NCAPG2: variants seen among roughly 807,000 people sequenced by gnomAD.
The protein encoded by NCAPG2 is condensin-2 complex subunit G2.
NCAPG2 carries 53 observed loss-of-function variants against 141.1 expected under a neutral mutation model. The observed-to-expected ratio is 0.38, with a 90% confidence interval of 0.30 to 0.47. NCAPG2 has a LOEUF of 0.47. NCAPG2 is among the 20% of genes least tolerant of loss of function. NCAPG2 has a pLI of 0.99. For missense variants in NCAPG2, 1,087 were observed against 1,389.0 expected (o/e 0.78, Z 3.46); for synonymous variants, 499 against 490.7 (o/e 1.02, Z -0.22).
chr7:158,656,235 C>T (rs757137324), intron 19 of NCAPG2, 25 bp downstream of exon 19: 8 of 1,609,064 alleles, frequency 5.0e-6, no homozygotes, highest in Non-Finnish European at 6.8e-6. Context: ...TAGGAAACCA[C>T]TCAACTCTCA....
chr7:158,670,807 G>A (rs543258504), intron 13 of NCAPG2, among the ~76,000 whole-genome samples: 39 of 152,146 alleles, frequency 2.6e-4, no homozygotes, highest in African/African-American at 9.2e-4. Flanking sequence ...ACACAAATCT[G>A]TCTGGCTGAC....
intron 23 of NCAPG2, 108 bp downstream of exon 23, chr7:158,652,185 C>T (rs1831541381): frequency 9.7e-6 from 11 of 1,130,594 alleles, no homozygotes; most frequent in Non-Finnish European, 1.3e-5. Context: ...CACAACACTG[C>T]GTGTCACCCG....
At chr7:158,641,339 A>C in intron 27 of NCAPG2, 1 of 410,546 alleles carries the variant, frequency 2.4e-6, no homozygotes, top group Non-Finnish European at 4.3e-6. Context: ...TTTAAGACAG[A>C]TTGTCAGAGA....
Position 158,680,271 on chromosome 7 carries a change from T to C in NCAPG2, c.1021-186A>G, listed in dbSNP as rs537470637. ...AATGTCAACAGATACTATGAAAAGA[T>C]AAAGCTTCCTCACTTCAAAGCCCAC... On this transcript the variant is annotated intron_variant, in intron 10 of 27. Coordinates refer to ENST00000356309, the MANE Select transcript of NCAPG2 (RefSeq NM_017760.7). Among the ~76,000 whole-genome samples the C allele has an allele frequency of 2.6e-5, 4 of 152,300 alleles. No homozygotes were observed. In the South Asian group the frequency reaches 8.3e-4, roughly 32 times the overall value.
chr7:158,647,254 G>A (rs141578765), intron 24 of NCAPG2, among the ~76,000 whole-genome samples: 1 of 152,286 alleles, frequency 6.6e-6, no homozygotes, highest in African/African-American at 2.4e-5. Flanking sequence ...TTCTTTGGGG[G>A]ATTGGGAGGC....
chr7:158,656,199 A>T, intron 19 of NCAPG2, 61 bp downstream of exon 19: 1 of 1,551,156 alleles, frequency 6.4e-7, no homozygotes, highest in Non-Finnish European at 8.8e-7. Flanking sequence ...AAAGCTTCAC[A>T]CTTTGATTTG....
intron 16 of NCAPG2, among the ~76,000 whole-genome samples, chr7:158,661,681 T>C (rs543853289): frequency 1.5e-4 from 23 of 152,356 alleles, no homozygotes; most frequent in Non-Finnish European, 2.6e-4. Context: ...CAAAACATCA[T>C]GTTGAACACA....
At chr7:158,686,633 A>G (rs1414703709) in intron 7 of NCAPG2, among the ~76,000 whole-genome samples, 1 of 152,244 alleles carries the variant, frequency 6.6e-6, no homozygotes, top group East Asian at 1.9e-4. Context: ...CTAAAATACC[A>G]GTATCAACTT....
intron 27 of NCAPG2, among the ~76,000 whole-genome samples, chr7:158,632,871 T>A (rs184973658): frequency 1.8e-4 from 28 of 152,360 alleles, no homozygotes; most frequent in Admixed American, 1.4e-3. Flanking sequence ...ATTTATGACA[T>A]AGTTCACATT....
intron 6 of NCAPG2, among the ~76,000 whole-genome samples, chr7:158,688,602 G>A (rs1239467940): frequency 6.6e-6 from 1 of 152,164 alleles, no homozygotes; most frequent in Non-Finnish European, 1.5e-5. Flanking sequence ...CCTCCCCAGG[G>A]GTTCTTATCC....
At chr7:158,704,514 C>A (rs1222474537) in intron 1 of NCAPG2, among the ~76,000 whole-genome samples, 2 of 152,180 alleles carry the variant, frequency 1.3e-5, no homozygotes, top group African/African-American at 2.4e-5. Context: ...GAAGGACGGG[C>A]GTCGCTGAGC....
Position 158,686,188 on chromosome 7 carries a change from G to T in NCAPG2, c.821C>A (p.Ser274Ter). Reference protein sequence around the residue: ...EIYFRAWKKASGKILEAIEND... With the variant: ...EIYFRAWKKA ...TGAAAATACCTCCAGTATTTTCCCT[G>T]AAGCCTTTTTCCAAGCTCTGAAATA... The change falls in exon 8 of 28, where the codon TCA becomes TAA. Residue 274 changes from serine (S) to a stop codon, truncating the protein, a stop_gained. Coordinates refer to ENST00000356309, the MANE Select transcript of NCAPG2 (RefSeq NM_017760.7). LOFTEE classifies it high-confidence loss of function. 6.4e-7 allele frequency: 1 copy of T among 1,572,936 alleles called. No homozygotes were observed. The highest frequency in any genetic ancestry group is 8.6e-7 in the Non-Finnish European group (1 of 1,159,016).
chr7:158,693,019 A>G, intron 3 of NCAPG2, 63 bp from the exon 4 acceptor site: 3 of 1,150,004 alleles, frequency 2.6e-6, no homozygotes, highest in Non-Finnish European at 3.8e-6. Flanking sequence ...AGTTTTTAGC[A>G]GAAATTTCAG....
intron 13 of NCAPG2, among the ~76,000 whole-genome samples, chr7:158,667,622 G>C (rs370530151): frequency 3.2e-5 from 1 of 30,886 alleles, no homozygotes; most frequent in Admixed American, 4.0e-4. Context: ...TACCTACCCT[G>C]TGGCCCTCCA....
At position 158,683,333 on chromosome 7, in the gene NCAPG2, C is replaced by T. The variant is rs758790252; in HGVS notation, c.891G>A (p.Pro297=). Residue 297 remains proline (P), a synonymous_variant, in exon 9 of 28, where the codon CCG becomes CCA. Coordinates refer to ENST00000356309, the MANE Select transcript of NCAPG2 (RefSeq NM_017760.7). ...QDFMFHGIHL[P]RRSPVHSKVR... is the part of the protein sequence containing the mutation. The stretch of plus-strand genomic sequence containing the variant: ...CTTTGGAATGCACTGGAGACCTCCT[C>T]GGAAGGTGTATCCCGTGGAACATGA... 11 of 1,605,928 alleles carry T rather than the reference C, an allele frequency of 6.8e-6. No homozygotes were observed. Among genetic ancestry groups the T allele is most frequent in the Middle Eastern group, 1.6e-4 (1 of 6,064 alleles).
chr7:158,672,961 C>A (rs1445329828), intron 12 of NCAPG2, among the ~76,000 whole-genome samples: 1 of 152,228 alleles, frequency 6.6e-6, no homozygotes. Context: ...CACAGATGAC[C>A]CATCTGGGCA....
intron 8 of NCAPG2, among the ~76,000 whole-genome samples, chr7:158,683,842 G>A (rs1834591112): frequency 6.6e-6 from 1 of 152,156 alleles, no homozygotes; most frequent in Non-Finnish European, 1.5e-5. Flanking sequence ...GATATTTCAG[G>A]GCCACTGTTG....
chr7:158,672,517 A>G (rs1833805829), intron 12 of NCAPG2, among the ~76,000 whole-genome samples: 1 of 150,436 alleles, frequency 6.6e-6, no homozygotes, highest in South Asian at 2.1e-4. Context: ...TAATTTTTGT[A>G]TTTTTAGTAG....
chr7:158,659,329 C>CA (rs34735258), intron 16 of NCAPG2, among the ~76,000 whole-genome samples: 34,438 of 85,180 alleles, frequency 0.4, 5,526 homozygotes, highest in East Asian at 0.59. Flanking sequence ...GACTCCATCT[C>CA]AAAAAAAAAA....
Sources: allele counts gnomAD v4.1 joint callset (sites outside exome capture counted in the v4.1 genomes callset), GRCh38; gene constraint gnomAD v4.1.1; transcripts MANE v1.5; gene names NCBI Gene and HGNC (gene_info 2026-07-23, HGNC 2026-07-21).